PDE1C: variants seen among roughly 807,000 people sequenced by gnomAD.
PDE1C encodes dual specificity calcium/calmodulin-dependent 3',5'-cyclic nucleotide phosphodiesterase 1C.
A neutral mutation model predicts 93.1 loss-of-function variants in PDE1C; 62 were observed. The ratio of observed to expected loss-of-function variants is 0.67; its 90% CI spans 0.54 to 0.82. The LOEUF is 0.82. Ranked by LOEUF, PDE1C falls within the 40% of genes least tolerant of loss-of-function variation. The pLI is 0.00. For missense variants in PDE1C, 742 were observed against 884.6 expected, an observed-to-expected ratio of 0.84 and a Z score of 2.04; for synonymous variants, 325 against 310.1, an observed-to-expected ratio of 1.05 and a Z score of -0.50.
intron 16 of PDE1C, among the ~76,000 whole-genome samples, chr7:31,802,905 C>T (rs2128694997): frequency 6.6e-6 from 1 of 151,664 alleles, no homozygotes; most frequent in Middle Eastern, 3.4e-3. Flanking sequence ...CTTATATTCC[C>T]TGTGCTTGAG....
At chr7:32,359,808 C>A (rs373830046) in intron 1 of PDE1C, among the ~76,000 whole-genome samples, 1 of 152,180 alleles carries the variant, frequency 6.6e-6, no homozygotes, top group Non-Finnish European at 1.5e-5. Context: ...AGAGCCTTTG[C>A]TCATGCAGTT....
In PDE1C at chr7:31,989,625, G is replaced by A. The variant is rs17160748; in HGVS notation, c.128+61929C>T. Among the ~76,000 whole-genome samples the A allele has an allele frequency of 1.6e-3, 245 of 152,266 alleles. 7 individuals carry two copies. In the East Asian group the frequency reaches 0.045, roughly 28 times the overall value. On this transcript the variant is annotated intron_variant, in intron 2 of 17. Coordinates refer to ENST00000396191, the MANE Select transcript of PDE1C (RefSeq NM_001191057.4). ...TTGGGTGTCTCTGCTAACCCAGAAAGAATTCAGTGTCTTCCTTGTTCTCTT... is the reference window on the plus strand; with the variant it reads ...TTGGGTGTCTCTGCTAACCCAGAAAAAATTCAGTGTCTTCCTTGTTCTCTT...
the PDE1C span, among the ~76,000 whole-genome samples, chr7:31,727,900 C>T: frequency 1.2e-4 from 19 of 152,030 alleles, no homozygotes; most frequent in Middle Eastern, 3.4e-3. Context: ...AAAAATTAGC[C>T]GGGCGTGGTG....
At chr7:32,311,731 A>C (rs1481661387) in intron 1 of PDE1C, among the ~76,000 whole-genome samples, 9 of 152,134 alleles carry the variant, frequency 5.9e-5, no homozygotes, top group Non-Finnish European at 2.9e-5. Flanking sequence ...CTCTCAATAA[A>C]TTAGGTATTG....
chr7:31,745,498 T>G, the PDE1C span, among the ~76,000 whole-genome samples: 3 of 152,326 alleles, frequency 2.0e-5, no homozygotes, highest in Admixed American at 2.0e-4. Flanking sequence ...ATGATTTAAG[T>G]GTCTCAAATA....
chr7:32,348,618 C>T (rs1395178660), intron 1 of PDE1C, among the ~76,000 whole-genome samples: 2 of 152,114 alleles, frequency 1.3e-5, no homozygotes. Context: ...CTGACTCGGC[C>T]TCCCAAAGTG....
the PDE1C span, among the ~76,000 whole-genome samples, chr7:31,717,124 G>A: frequency 5.9e-5 from 9 of 152,296 alleles, no homozygotes; most frequent in South Asian, 1.5e-3. Flanking sequence ...TAAGGTCAAT[G>A]ATCTTCAAGT....
At chr7:32,162,637 T>A (rs1801990410) in intron 3 of PDE1C, among the ~76,000 whole-genome samples, 1 of 152,080 alleles carries the variant, frequency 6.6e-6, no homozygotes, top group South Asian at 2.1e-4. Flanking sequence ...AGGAGTTCCA[T>A]GTCTCCCAGG....
the PDE1C span, chr7:31,651,227 G>A: frequency 6.2e-7 from 1 of 1,613,578 alleles, no homozygotes; most frequent in East Asian, 2.2e-5. Context: ...CACCTTATGG[G>A]ACAGCAGGCC....
the PDE1C span, among the ~76,000 whole-genome samples, chr7:31,628,007 C>T: frequency 6.6e-6 from 1 of 152,152 alleles, no homozygotes; most frequent in Non-Finnish European, 1.5e-5. Flanking sequence ...AATGTGGAAG[C>T]ACCTCAAGGT....
chr7:31,666,623 A>G, the PDE1C span, among the ~76,000 whole-genome samples: 1 of 152,204 alleles, frequency 6.6e-6, no homozygotes, highest in Non-Finnish European at 1.5e-5. Context: ...ATTGAGGTAT[A>G]AGTCACATAC....
chr7:31,876,276 TGAG>T (rs1305104750), intron 5 of PDE1C, among the ~76,000 whole-genome samples: 4 of 152,204 alleles, frequency 2.6e-5, no homozygotes, highest in African/African-American at 7.2e-5. Flanking sequence ...ACAATATATG[TGAG>T]GAGAAGTAGC....
intron 2 of PDE1C, among the ~76,000 whole-genome samples, chr7:32,171,937 A>G (rs1375139418): frequency 6.7e-6 from 1 of 149,150 alleles, no homozygotes; most frequent in Non-Finnish European, 1.5e-5. Flanking sequence ...CTAAGGTAAG[A>G]GGTTAATAAT....
chr7:31,641,625 C>T, the PDE1C span, among the ~76,000 whole-genome samples: 726 of 152,238 alleles, frequency 4.8e-3, 7 homozygotes, highest in African/African-American at 0.017. Context: ...TCATAACCTG[C>T]CCACACGTGA....
At chr7:32,182,219 G>A (rs1410550239) in intron 2 of PDE1C, among the ~76,000 whole-genome samples, 2 of 152,168 alleles carry the variant, frequency 1.3e-5, no homozygotes, top group South Asian at 4.1e-4. Context: ...TCTACCAGAG[G>A]TACAAGGAGG....
In PDE1C at chr7:31,992,457, C is replaced by G. The variant is rs143511020; in HGVS notation, c.128+59097G>C. ...TGAGACACTCCTGGGACTTCCCAAA[C>G]AAATGAGGAAAGGCTTTGTTGGAGG... is the stretch of plus-strand genomic sequence containing the variant. On this transcript the variant is annotated intron_variant, in intron 2 of 17. Transcript: ENST00000396191. Among the ~76,000 whole-genome samples, 864 of 152,294 alleles carry G rather than the reference C, an allele frequency of 5.7e-3. 3 individuals carry two copies. The highest frequency in any genetic ancestry group is 8.9e-3 in the Non-Finnish European group (603 of 68,016).
chr7:31,937,487 C>G (rs1043751036), intron 2 of PDE1C, among the ~76,000 whole-genome samples: 1 of 152,152 alleles, frequency 6.6e-6, no homozygotes, highest in Non-Finnish European at 1.5e-5. Context: ...AGAGTATAAA[C>G]AGGCATGTCC....
chr7:32,118,965 G>A (rs192763678), intron 3 of PDE1C, among the ~76,000 whole-genome samples: 2 of 152,146 alleles, frequency 1.3e-5, no homozygotes, highest in East Asian at 1.9e-4. Context: ...CCTCCAGGAT[G>A]GGGGGTAGAG....
At chr7:31,741,380 T>C in the PDE1C span, among the ~76,000 whole-genome samples, 3 of 152,158 alleles carry the variant, frequency 2.0e-5, no homozygotes, top group Non-Finnish European at 4.4e-5. Flanking sequence ...CTTCATATTT[T>C]TAATCTTTAA....
Sources: gnomAD v4.1 joint callset for allele counts (sites outside exome capture counted in the v4.1 genomes callset) on GRCh38, gnomAD v4.1.1 for gene constraint, MANE v1.5 for transcripts, NCBI Gene and HGNC (gene_info 2026-07-23, HGNC 2026-07-21) for gene names.